Variants in PTPRT observed in about 807,000 individuals in gnomAD.
The protein encoded by PTPRT is receptor-type tyrosine-protein phosphatase T.
Under a neutral mutation model 176.8 loss-of-function variants are expected in PTPRT, and 56 were observed. The ratio of observed to expected loss-of-function variants is 0.32; its 90% CI spans 0.26 to 0.40. The LOEUF (loss-of-function observed/expected upper bound fraction) is 0.40, where lower values mean the gene tolerates loss of function less well. Among genes scored for constraint, PTPRT ranks in the 10% least tolerant of loss-of-function variants. The pLI, the probability that PTPRT is intolerant of heterozygous loss-of-function variation, is 1.00. For synonymous variants in PTPRT, 783 were observed against 739.0 expected (o/e 1.06, Z -0.96); for missense variants, 1,540 against 1,908.2 (o/e 0.81, Z 3.60).
At chr20:42,043,659 G>A in the PTPRT span, among the ~76,000 whole-genome samples, 1 of 152,180 alleles carries the variant, frequency 6.6e-6, no homozygotes, top group Non-Finnish European at 1.5e-5. Flanking sequence ...TGGAACATGA[G>A]TGAGAAATAA....
chr20:42,272,498 G>C (rs1311498299), intron 13 of PTPRT, among the ~76,000 whole-genome samples: 1 of 152,048 alleles, frequency 6.6e-6, no homozygotes, highest in Non-Finnish European at 1.5e-5. Context: ...TCAGAGAAGA[G>C]ATGACTTACA....
intron 1 of PTPRT, among the ~76,000 whole-genome samples, chr20:43,096,037 G>A (rs1277719890): frequency 2.8e-4 from 4 of 14,350 alleles, no homozygotes; most frequent in East Asian, 2.0e-3. Flanking sequence ...CTCTCCTCCC[G>A]CTTTCTCCCC....
At chr20:43,153,452 T>A (rs538540416) in intron 1 of PTPRT, among the ~76,000 whole-genome samples, 118 of 152,300 alleles carry the variant, frequency 7.7e-4, no homozygotes, top group African/African-American at 2.8e-3. Flanking sequence ...TACCCTTTTA[T>A]TCCAAATAAA....
chr20:42,744,878 T>A (rs993591483), intron 6 of PTPRT, among the ~76,000 whole-genome samples: 1 of 152,208 alleles, frequency 6.6e-6, no homozygotes, highest in Admixed American at 6.5e-5. Context: ...AAACTGGAAC[T>A]ATTATCACAG....
intron 2 of PTPRT, among the ~76,000 whole-genome samples, chr20:42,823,379 G>T (rs1259198009): frequency 6.6e-6 from 1 of 152,022 alleles, no homozygotes; most frequent in African/African-American, 2.4e-5. Flanking sequence ...ACACACCAGG[G>T]CCTGTTGAGG....
intron 13 of PTPRT, chr20:42,270,558 G>T: frequency 2.3e-6 from 2 of 863,358 alleles, no homozygotes; most frequent in Non-Finnish European, 1.9e-6. Context: ...AATTCTTGTG[G>T]CTCTGAAGAG....
At chr20:42,066,357 A>G in the PTPRT span, among the ~76,000 whole-genome samples, 114,244 of 152,078 alleles carry the variant, frequency 0.75, 43,197 homozygotes, top group South Asian at 0.84. Flanking sequence ...ATTACTTTTT[A>G]AAAGACTATG....
Position 42,776,667 on chromosome 20 carries a change from C to T in PTPRT, c.568+3551G>A, listed in dbSNP as rs77490646. On this transcript the variant is annotated intron_variant, in intron 4 of 30. Coordinates refer to ENST00000373187, the MANE Select transcript of PTPRT (RefSeq NM_007050.6). ...TGTTATAGCAGCTTTAGCAAACTAA[C>T]GCACTGTCTGTGCATATAATTATAT... Among the ~76,000 whole-genome samples, 936 of 151,404 alleles carry T rather than the reference C, an allele frequency of 6.2e-3. 6 individuals are homozygous for T. The highest frequency in any genetic ancestry group is 0.021 in the African/African-American group (879 of 41,272).
At chr20:42,956,347 G>C (rs994988505) in intron 1 of PTPRT, among the ~76,000 whole-genome samples, 2 of 152,084 alleles carry the variant, frequency 1.3e-5, no homozygotes, top group African/African-American at 2.4e-5. Context: ...AATAGTGATT[G>C]AGCTCTCACA....
At chr20:42,385,685 T>C (rs1309484951) in intron 9 of PTPRT, among the ~76,000 whole-genome samples, 1 of 152,148 alleles carries the variant, frequency 6.6e-6, no homozygotes, top group Non-Finnish European at 1.5e-5. Flanking sequence ...CTCACAATCA[T>C]GGTGGAAGGC....
chr20:42,756,398 G>T, intron 6 of PTPRT, 64 bp downstream of exon 6: 2 of 1,395,434 alleles, frequency 1.4e-6, no homozygotes, highest in Non-Finnish European at 1.9e-6. Context: ...ATGAGAAAAG[G>T]GGCTTTAAGG....
At chr20:43,044,032 A>G (rs1239391110) in intron 1 of PTPRT, among the ~76,000 whole-genome samples, 2 of 152,030 alleles carry the variant, frequency 1.3e-5, no homozygotes, top group Non-Finnish European at 2.9e-5. Context: ...GACACCCAGG[A>G]GAAGTGTCTG....
chr20:43,114,785 T>C (rs1166654249), intron 1 of PTPRT, among the ~76,000 whole-genome samples: 1 of 152,194 alleles, frequency 6.6e-6, no homozygotes. Flanking sequence ...TCATTATTCA[T>C]TAAAATCCTA....
At chr20:42,401,345 C>T (rs972896412) in intron 9 of PTPRT, among the ~76,000 whole-genome samples, 2 of 151,876 alleles carry the variant, frequency 1.3e-5, no homozygotes, top group African/African-American at 4.8e-5. Flanking sequence ...CAATGTTTAA[C>T]GTAAACCTTG....
intron 1 of PTPRT, among the ~76,000 whole-genome samples, chr20:42,916,334 T>C (rs1321802102): frequency 6.6e-6 from 1 of 152,188 alleles, no homozygotes; most frequent in African/African-American, 2.4e-5. Context: ...ATGGTGTATA[T>C]GTGCCACATT....
intron 9 of PTPRT, among the ~76,000 whole-genome samples, chr20:42,376,789 A>G (rs898729175): frequency 2.0e-5 from 3 of 152,166 alleles, no homozygotes; most frequent in African/African-American, 7.2e-5. Context: ...GTACGAAAAA[A>G]TGGTGACAAA....
chr20:42,435,698 G>A (rs544994552), intron 9 of PTPRT, among the ~76,000 whole-genome samples: 5 of 152,272 alleles, frequency 3.3e-5, no homozygotes, highest in Non-Finnish European at 7.3e-5. Context: ...ATCATAAAAT[G>A]TCAATTACCC....
chr20:42,142,011 C>G lies in PTPRT; in HGVS notation c.2683-9G>C, dbSNP rs186961281. ...TGCCCCTCTGGTAAGGCCTAAAAAG[C>G]AAGGACAGAGTGGTTAGAGTGGCCT... is the stretch of plus-strand genomic sequence containing the variant. On this transcript the variant is annotated splice_polypyrimidine_tract_variant and intron_variant, in intron 17 of 30. Coordinates refer to ENST00000373187, the MANE Select transcript of PTPRT (RefSeq NM_007050.6). 4.3e-6 allele frequency: 7 copies of G among 1,613,046 alleles called. No individual in the cohort carries two copies. The African/African-American group carries it at 8.0e-5, about 18-fold the overall frequency.
At chr20:42,660,502 T>C (rs2075203901) in intron 7 of PTPRT, among the ~76,000 whole-genome samples, 2 of 152,182 alleles carry the variant, frequency 1.3e-5, no homozygotes, top group Non-Finnish European at 1.5e-5. Context: ...GAGCTAAATA[T>C]AAGACATGAA....
Sources: gnomAD v4.1 joint callset for allele counts (sites outside exome capture counted in the v4.1 genomes callset) on GRCh38, gnomAD v4.1.1 for gene constraint, MANE v1.5 for transcripts, NCBI Gene and HGNC (gene_info 2026-07-23, HGNC 2026-07-21) for gene names.